AGBL1: variants seen among roughly 807,000 people sequenced by gnomAD.
AGBL1 encodes the protein AGBL carboxypeptidase 1.
Under a neutral mutation model 118.9 loss-of-function variants are expected in AGBL1, and 130 were observed. The observed-to-expected ratio is 1.09, with a 90% CI of 0.95 to 1.26. The LOEUF (loss-of-function observed/expected upper bound fraction) is 1.26, where lower values mean the gene tolerates loss of function less well. AGBL1 is among the 50% of genes most tolerant of loss of function. The pLI, the probability that AGBL1 is intolerant of heterozygous loss-of-function variation, is 0.00. For synonymous variants in AGBL1, 555 were observed against 478.9 expected (o/e 1.16, Z -2.08); for missense variants, 1,584 against 1,298.1 (o/e 1.22, Z -3.38).
chr15:86,394,328 C>A (rs921829308), intron 17 of AGBL1, among the ~76,000 whole-genome samples: 1 of 152,182 alleles, frequency 6.6e-6, no homozygotes, highest in Middle Eastern at 3.4e-3. Context: ...GATGAAAATG[C>A]ATCATCTCCC....
rs28440145 is a variant in AGBL1, at chr15:86,914,230, C to G, written c.*6936C>G. On this transcript the variant is annotated 3_prime_UTR_variant, in exon 23 of 23. Coordinates refer to ENST00000614907, the MANE Select transcript of AGBL1 (RefSeq NM_001386094.1). ...TGAATGTCCTGGGGTAGAAGACTAT[C>G]AACCAGACCCCACCCACACTTCATT... 2.6e-5 allele frequency: 4 copies of G among 152,056 alleles called. No homozygotes were observed. Among genetic ancestry groups the G allele is most frequent in the African/African-American group, 9.7e-5 (4 of 41,356 alleles). The allele number at this position is 152,056 out of a possible 1,614,324, so 9.4% of individuals were successfully genotyped here.
intron 5 of AGBL1, among the ~76,000 whole-genome samples, chr15:86,191,134 A>G: frequency 6.6e-6 from 1 of 151,792 alleles, no homozygotes; most frequent in Non-Finnish European, 1.5e-5. Context: ...ACCTGAGGTC[A>G]GGAGTTTGAG....
chr15:86,790,049 G>A (rs565668054), intron 22 of AGBL1, among the ~76,000 whole-genome samples: 18 of 152,114 alleles, frequency 1.2e-4, no homozygotes, highest in African/African-American at 4.3e-4. Context: ...GTTGTTATTT[G>A]TAACATGATG....
At chr15:86,744,366 A>T (rs2077723578) in intron 22 of AGBL1, among the ~76,000 whole-genome samples, 1 of 152,084 alleles carries the variant, frequency 6.6e-6, no homozygotes, top group Non-Finnish European at 1.5e-5. Flanking sequence ...CCCCATTCTC[A>T]CAGAGCTCCT....
chr15:86,275,724 G>T (rs1199122560), intron 15 of AGBL1, among the ~76,000 whole-genome samples: 2 of 152,178 alleles, frequency 1.3e-5, no homozygotes, highest in African/African-American at 4.8e-5. Flanking sequence ...GAAGTTGCTG[G>T]ATGTACCCAG....
intron 22 of AGBL1, among the ~76,000 whole-genome samples, chr15:86,783,829 C>G (rs535653578): frequency 7.3e-6 from 1 of 137,010 alleles, no homozygotes; most frequent in East Asian, 2.1e-4. Flanking sequence ...TGGGGTTTCA[C>G]CATGTCAGCC....
chr15:86,254,581 G>A (rs965305321), intron 7 of AGBL1, among the ~76,000 whole-genome samples: 2 of 152,172 alleles, frequency 1.3e-5, no homozygotes, highest in Non-Finnish European at 2.9e-5. Flanking sequence ...TCCCTTCCAA[G>A]TAGCAGATGT....
intron 21 of AGBL1, among the ~76,000 whole-genome samples, chr15:86,572,812 G>A (rs998766121): frequency 2.0e-5 from 3 of 152,246 alleles, no homozygotes; most frequent in Non-Finnish European, 2.9e-5. Context: ...CCTGCCATCA[G>A]TGTGGCACTG....
intron 18 of AGBL1, among the ~76,000 whole-genome samples, chr15:86,520,496 T>C (rs939248344): frequency 6.6e-6 from 1 of 152,132 alleles, no homozygotes; most frequent in Non-Finnish European, 1.5e-5. Flanking sequence ...TTCTTGGAAA[T>C]TGTGATCTAA....
At chr15:86,393,377 T>G (rs2081316094) in intron 17 of AGBL1, among the ~76,000 whole-genome samples, 1 of 152,186 alleles carries the variant, frequency 6.6e-6, no homozygotes, top group South Asian at 2.1e-4. Context: ...TACAAGAGCT[T>G]AAGCCATTTT....
At chr15:86,707,041 G>A (rs187265897) in intron 22 of AGBL1, among the ~76,000 whole-genome samples, 1 of 152,206 alleles carries the variant, frequency 6.6e-6, no homozygotes, top group African/African-American at 2.4e-5. Context: ...CATATAATGT[G>A]AACAACTCAA....
At chr15:86,660,953 G>C (rs953737952) in intron 21 of AGBL1, among the ~76,000 whole-genome samples, 6 of 152,164 alleles carry the variant, frequency 3.9e-5, no homozygotes, top group African/African-American at 1.4e-4. Flanking sequence ...CTCAGAACTT[G>C]AATGCCTACA....
intron 18 of AGBL1, among the ~76,000 whole-genome samples, chr15:86,448,510 T>G (rs983014186): frequency 4.6e-5 from 7 of 152,218 alleles, no homozygotes; most frequent in African/African-American, 1.7e-4. Flanking sequence ...CCCCACCCAT[T>G]GTCAGTTAAG....
At chr15:86,635,443 C>A (rs1331029413) in intron 21 of AGBL1, among the ~76,000 whole-genome samples, 1 of 151,242 alleles carries the variant, frequency 6.6e-6, no homozygotes, top group Non-Finnish European at 1.5e-5. Context: ...CCCTGAACTG[C>A]GATTCAGGTT....
intron 15 of AGBL1, among the ~76,000 whole-genome samples, chr15:86,274,831 CT>C (rs1227111519): frequency 6.6e-6 from 1 of 152,120 alleles, no homozygotes; most frequent in Non-Finnish European, 1.5e-5. Context: ...TTCTTTCTTA[CT>C]ATCTAGATAA....
At chr15:86,178,510 GAC>G (rs2077512247) in intron 5 of AGBL1, among the ~76,000 whole-genome samples, 1 of 152,106 alleles carries the variant, frequency 6.6e-6, no homozygotes. Flanking sequence ...TTTCTTGAGA[GAC>G]ATAACTATCA....
chr15:86,476,564 C>T (rs1325054990), intron 18 of AGBL1, among the ~76,000 whole-genome samples: 1 of 152,212 alleles, frequency 6.6e-6, no homozygotes, highest in African/African-American at 2.4e-5. Context: ...AATACAGGAG[C>T]ACCCAGATTC....
chr15:86,087,158 G>A (rs991910022), intron 1 of AGBL1, among the ~76,000 whole-genome samples: 1 of 152,150 alleles, frequency 6.6e-6, no homozygotes, highest in Non-Finnish European at 1.5e-5. Context: ...AGTTGAAAGT[G>A]ATTTGAGATG....
intron 23 of AGBL1, among the ~76,000 whole-genome samples, chr15:86,970,758 T>C (rs2081099884): frequency 6.6e-6 from 1 of 151,992 alleles, no homozygotes. Flanking sequence ...GGATGGAAGT[T>C]AGCTGAAACT....
Sources: allele counts gnomAD v4.1 joint callset (sites outside exome capture counted in the v4.1 genomes callset), GRCh38; gene constraint gnomAD v4.1.1; transcripts MANE v1.5; gene names NCBI Gene and HGNC (gene_info 2026-07-23, HGNC 2026-07-21).